Variants in PI4KA observed in about 807,000 individuals in gnomAD.
PI4KA encodes the protein phosphatidylinositol 4-kinase alpha.
Under a neutral mutation model 271.4 loss-of-function variants are expected in PI4KA, and 122 were observed. The ratio of observed to expected loss-of-function variants is 0.45; its 90% CI spans 0.39 to 0.52. The LOEUF is 0.52. Among genes scored for constraint, PI4KA ranks in the 20% least tolerant of loss-of-function variants. The pLI is 0.00. For synonymous variants in PI4KA, 1,041 were observed against 1,078.8 expected, an observed-to-expected ratio of 0.96 and a Z score of 0.69; for missense variants, 1,969 against 2,769.1, an observed-to-expected ratio of 0.71 and a Z score of 6.48.
At position 20,729,717 on chromosome 22, in the gene PI4KA, A is replaced by T. The variant is rs940735040; in HGVS notation, c.4409-6T>A. On this transcript the variant is annotated splice_polypyrimidine_tract_variant and splice_region_variant and intron_variant, in intron 37 of 54. Coordinates refer to ENST00000255882, the MANE Select transcript of PI4KA (RefSeq NM_058004.4). ...GTTGGTTTTCTTAGACATGCCTAGG[A>T]GGAAAGACAAAGCACAGGTGTAGTC... 3 of 1,592,006 alleles carry T rather than the reference A, an allele frequency of 1.9e-6. No individual in the cohort carries two copies. Among genetic ancestry groups the T allele is most frequent in the African/African-American group, 2.7e-5 (2 of 74,648 alleles).
At chr22:20,833,332 C>T (rs1431391373) in intron 3 of PI4KA, among the ~76,000 whole-genome samples, 1 of 152,146 alleles carries the variant, frequency 6.6e-6, no homozygotes, top group African/African-American at 2.4e-5. Flanking sequence ...AGCACTCTGT[C>T]GGATAGTGGC....
intron 3 of PI4KA, among the ~76,000 whole-genome samples, chr22:20,831,608 CA>C (rs1244798970): frequency 1.5e-4 from 6 of 40,570 alleles, no homozygotes; most frequent in Non-Finnish European, 2.5e-4. Flanking sequence ...AAAACAAAAA[CA>C]AAAACAAAAC....
chr22:20,805,036 A>G lies in PI4KA; in HGVS notation c.1298T>C (p.Leu433Pro), dbSNP rs1601536678. 4 of 1,614,032 alleles carry G rather than the reference A, an allele frequency of 2.5e-6. No homozygotes were observed. Among genetic ancestry groups the G allele is most frequent in the Non-Finnish European group, 2.5e-6 (3 of 1,180,000 alleles). ...ACAGGCAGCATTCGCCTGACAGCGCAGTTTGAGGGGGCTCAGCTCATTGTG... is the reference window on the plus strand; with the variant it reads ...ACAGGCAGCATTCGCCTGACAGCGCGGTTTGAGGGGGCTCAGCTCATTGTG... Reference protein sequence around the residue: ...RIHNELSPLKLRCQANAACVD... With the variant: ...RIHNELSPLKPRCQANAACVD... The change falls in exon 11 of 55, where the codon CTG (leucine) becomes CCG (proline). Residue 433 changes from leucine to proline, a missense_variant. By Grantham distance (98) the Leu-to-Pro change is moderately conservative. This residue lies in a region of PI4KA where 540 missense variants were observed against 555.5 expected (regional missense o/e 0.97). Transcript: ENST00000255882.
chr22:20,845,725 C>T (rs937717099), intron 1 of PI4KA, among the ~76,000 whole-genome samples: 5 of 152,114 alleles, frequency 3.3e-5, no homozygotes, highest in African/African-American at 9.7e-5. Flanking sequence ...TTGAGCTGAG[C>T]GCGGTGGGAA....
chr22:20,742,119 G>A, intron 32 of PI4KA, 109 bp downstream of exon 32: 2 of 1,119,502 alleles, frequency 1.8e-6, no homozygotes, highest in Non-Finnish European at 2.6e-6. Flanking sequence ...TTGAGAAGGT[G>A]AGGGGCTTGC....
chr22:20,765,852 A>T (rs1490217214), intron 19 of PI4KA, among the ~76,000 whole-genome samples, 159 bp from the exon 20 acceptor site: 2 of 152,178 alleles, frequency 1.3e-5, no homozygotes, highest in Non-Finnish European at 1.5e-5. Flanking sequence ...TTCTGCCAAT[A>T]AGCATTGTCC....
At chr22:20,736,849 G>T in intron 32 of PI4KA, 1 of 153,254 alleles carries the variant, frequency 6.5e-6, no homozygotes, top group Admixed American at 6.5e-5. Flanking sequence ...AGTAAAGGGA[G>T]GGACCTCACT....
intron 32 of PI4KA, 78 bp downstream of exon 32, chr22:20,742,150 G>C: frequency 6.8e-7 from 1 of 1,474,568 alleles, no homozygotes. Flanking sequence ...CATGCTTGGT[G>C]GTGGCGGCAC....
intron 3 of PI4KA, among the ~76,000 whole-genome samples, chr22:20,833,365 G>A (rs951302660): frequency 6.6e-6 from 1 of 152,204 alleles, no homozygotes; most frequent in Admixed American, 6.5e-5. Context: ...TGTGACAGCA[G>A]CACCAGCAGT....
At chr22:20,791,067 A>C (rs981522858) in intron 19 of PI4KA, among the ~76,000 whole-genome samples, 6 of 152,192 alleles carry the variant, frequency 3.9e-5, no homozygotes, top group African/African-American at 1.2e-4. Flanking sequence ...CCAACCTGGA[A>C]CCCTGTGACC....
chr22:20,831,513 A>C (rs1248545758), intron 3 of PI4KA, among the ~76,000 whole-genome samples: 1 of 152,138 alleles, frequency 6.6e-6, no homozygotes, highest in Non-Finnish European at 1.5e-5. Context: ...GGTTGTAGTG[A>C]CCCAAGATCG....
intron 19 of PI4KA, 133 bp from the exon 20 acceptor site, chr22:20,765,826 C>T (rs1932474445): frequency 2.5e-5 from 16 of 631,944 alleles, no homozygotes; most frequent in South Asian, 2.5e-4. Flanking sequence ...GGAAAAGGCA[C>T]ACTGAGCAGT....
At chr22:20,813,950 C>T (rs1389918983) in intron 7 of PI4KA, among the ~76,000 whole-genome samples, 3 of 152,140 alleles carry the variant, frequency 2.0e-5, no homozygotes, top group South Asian at 2.1e-4. Flanking sequence ...AGATGCCCGT[C>T]GCCACACCTA....
chr22:20,724,283 C>A (rs1310220559), intron 42 of PI4KA, among the ~76,000 whole-genome samples: 3 of 148,962 alleles, frequency 2.0e-5, no homozygotes, highest in Non-Finnish European at 4.5e-5. Flanking sequence ...CCAGCCTGGG[C>A]AACAAGAGCG....
intron 28 of PI4KA, among the ~76,000 whole-genome samples, 195 bp downstream of exon 28, chr22:20,749,710 C>G (rs1292696782): frequency 6.6e-6 from 1 of 152,264 alleles, no homozygotes; most frequent in Non-Finnish European, 1.5e-5. Flanking sequence ...GTGCCCTGGC[C>G]AGCACTGGCC....
intron 19 of PI4KA, among the ~76,000 whole-genome samples, chr22:20,786,331 G>A (rs1361757111): frequency 1.3e-5 from 2 of 152,132 alleles, no homozygotes; most frequent in African/African-American, 2.4e-5. Context: ...TGGAGAGCAC[G>A]GCACCTGGCA....
Position 20,713,381 on chromosome 22 carries a change from C to T in PI4KA, c.5471G>A (p.Cys1824Tyr). 6.3e-7 allele frequency: 1 copy of T among 1,574,886 alleles called. No homozygotes were observed. Among genetic ancestry groups the T allele is most frequent in the South Asian group, 1.2e-5 (1 of 86,512 alleles). The change falls in exon 48 of 55, where the codon TGC (cysteine) becomes TAC (tyrosine). Residue 1824 changes from cysteine (C) to tyrosine (Y), a missense_variant. By Grantham distance (194) the Cys-to-Tyr change is radical. This residue lies in a region of PI4KA where 388 missense variants were observed against 521.5 expected (regional missense o/e 0.74). Coordinates refer to ENST00000255882, the MANE Select transcript of PI4KA (RefSeq NM_058004.4). The stretch of plus-strand genomic sequence containing the variant: ...GCACTCATCCTCGGAGTCTGAGCGG[C>T]ACCGCAGACCTGCCCGCAGGGAGAG... ...VSELEKEGLRCRSDSEDECST... is the reference protein window; with the variant it reads ...VSELEKEGLRYRSDSEDECST...
intron 2 of PI4KA, among the ~76,000 whole-genome samples, chr22:20,835,068 C>T (rs537679314): frequency 2.6e-5 from 4 of 152,222 alleles, no homozygotes; most frequent in African/African-American, 7.2e-5. Flanking sequence ...GAGAAGCTCA[C>T]AATGCGGGCA....
intron 32 of PI4KA, chr22:20,736,810 G>A (rs1928775866): frequency 6.5e-6 from 1 of 154,888 alleles, no homozygotes; most frequent in Non-Finnish European, 1.4e-5. Flanking sequence ...GGCATCTACA[G>A]TGAAGGGAAG....
Sources: allele counts gnomAD v4.1 joint callset (sites outside exome capture counted in the v4.1 genomes callset), GRCh38; gene constraint gnomAD v4.1.1; regional missense constraint gnomAD v4.1.1; transcripts MANE v1.5; gene names NCBI Gene and HGNC (gene_info 2026-07-23, HGNC 2026-07-21).